GPHN: variants seen among roughly 807,000 people sequenced by gnomAD.
GPHN encodes the protein gephyrin.
In GPHN, 17 loss-of-function variants were observed where a neutral mutation model predicts 95.5. That is an observed-to-expected ratio of 0.18 (90% CI 0.12 to 0.27). GPHN has a LOEUF of 0.27. Among genes scored for constraint, GPHN ranks in the 10% least tolerant of loss-of-function variants. The pLI is 1.00. For synonymous variants in GPHN, 320 were observed against 322.5 expected, an observed-to-expected ratio of 0.99 and a Z score of 0.08; for missense variants, 660 against 978.1, an observed-to-expected ratio of 0.67 and a Z score of 4.34.
At chr14:67,124,331 G>A (rs779886742) in intron 17 of GPHN, among the ~76,000 whole-genome samples, 5 of 152,092 alleles carry the variant, frequency 3.3e-5, no homozygotes, top group Admixed American at 1.3e-4. Context: ...ACTTGAACCC[G>A]GGAGGTGGAG....
chr14:66,781,449 C>T (rs1394507704), intron 3 of GPHN, among the ~76,000 whole-genome samples: 1 of 152,072 alleles, frequency 6.6e-6, no homozygotes, highest in Admixed American at 6.5e-5. Context: ...ACCTCCTGAC[C>T]TGAAGTGATC....
chr14:66,754,383 T>TA (rs1460253393), intron 2 of GPHN, among the ~76,000 whole-genome samples: 2 of 152,004 alleles, frequency 1.3e-5, no homozygotes, highest in South Asian at 2.1e-4. Flanking sequence ...TTTATACTAC[T>TA]AGTGACTTTC....
At chr14:67,631,060 C>T in the GPHN span, among the ~76,000 whole-genome samples, 1 of 152,182 alleles carries the variant, frequency 6.6e-6, no homozygotes, top group Non-Finnish European at 1.5e-5. Context: ...TCCCTCCCCT[C>T]ACCTCGTGTC....
the GPHN span, among the ~76,000 whole-genome samples, chr14:67,227,073 C>A: frequency 6.6e-6 from 1 of 152,176 alleles, no homozygotes. Context: ...ATTAGGGTCT[C>A]ATTAACAGAG....
intron 3 of GPHN, among the ~76,000 whole-genome samples, chr14:66,804,217 G>A (rs1238820718): frequency 6.6e-5 from 10 of 152,174 alleles, no homozygotes; most frequent in African/African-American, 2.2e-4. Flanking sequence ...GCTGGGCTAC[G>A]AACATGGTGG....
chr14:66,623,617 CAAAAA>C (rs57810648), intron 1 of GPHN, among the ~76,000 whole-genome samples: 39,982 of 91,450 alleles, frequency 0.44, 8,971 homozygotes, highest in African/African-American at 0.67. Context: ...GACTCTGTTT[CAAAAA>C]AAAAAAAAAA....
the GPHN span, among the ~76,000 whole-genome samples, chr14:67,307,768 A>C: frequency 6.6e-5 from 10 of 152,214 alleles, no homozygotes; most frequent in Non-Finnish European, 1.5e-4. Context: ...CTGCGATAGT[A>C]AGAGATACAG....
intron 8 of GPHN, 22 bp from the exon 9 acceptor site, chr14:66,965,169 C>T (rs1384052299): frequency 6.2e-7 from 1 of 1,604,632 alleles, no homozygotes; most frequent in Non-Finnish European, 8.5e-7. Context: ...AATATTAAAC[C>T]ATAGTTGTTC....
intron 1 of GPHN, among the ~76,000 whole-genome samples, chr14:66,603,229 A>G (rs1042616410): frequency 2.0e-5 from 3 of 151,960 alleles, no homozygotes; most frequent in Non-Finnish European, 4.4e-5. Context: ...TGGGAAATAC[A>G]GAAACACACA....
chr14:66,817,231 G>A (rs1353683757), intron 3 of GPHN, among the ~76,000 whole-genome samples: 2 of 151,748 alleles, frequency 1.3e-5, no homozygotes, highest in African/African-American at 4.8e-5. Context: ...TTGTGTATGT[G>A]TATACATATA....
intron 12 of GPHN, among the ~76,000 whole-genome samples, chr14:67,095,255 G>A (rs1205122550): frequency 6.6e-6 from 1 of 152,036 alleles, no homozygotes; most frequent in Non-Finnish European, 1.5e-5. Context: ...ATAGTGCTCT[G>A]CTCCTCAAAA....
chr14:67,040,021 AATAAGT>A (rs2074619263), intron 10 of GPHN, among the ~76,000 whole-genome samples: 1 of 152,276 alleles, frequency 6.6e-6, no homozygotes, highest in Admixed American at 6.5e-5. Context: ...CATGTATATA[AATAAGT>A]ATAATTACTG....
At chr14:67,239,813 G>T in the GPHN span, among the ~76,000 whole-genome samples, 1 of 152,154 alleles carries the variant, frequency 6.6e-6, no homozygotes, top group Non-Finnish European at 1.5e-5. Flanking sequence ...CCGAGATTGC[G>T]CCACTTTACT....
At chr14:67,271,031 A>G in the GPHN span, 1 of 152,218 alleles carries the variant, frequency 6.6e-6, no homozygotes, top group African/African-American at 2.4e-5. Flanking sequence ...ATATAGCTAG[A>G]AATCTTGGAT....
the GPHN span, chr14:67,559,635 A>T: frequency 3.7e-6 from 6 of 1,603,952 alleles, no homozygotes; most frequent in Non-Finnish European, 5.1e-6. Context: ...GGAAGCAAAA[A>T]CTGTTCAAGA....
At chr14:67,070,803 AC>A (rs2076271571) in intron 11 of GPHN, among the ~76,000 whole-genome samples, 1 of 148,086 alleles carries the variant, frequency 6.8e-6, no homozygotes, top group African/African-American at 2.6e-5. Flanking sequence ...GTGTGCTTTT[AC>A]CACCGTACTT....
chr14:67,332,925 C>T, the GPHN span: 1 of 1,613,064 alleles, frequency 6.2e-7, no homozygotes, highest in South Asian at 1.1e-5. Context: ...GATACTGAAC[C>T]TCAGTGGGTA....
At chr14:67,161,642 T>A (rs2081988199) in intron 19 of GPHN, among the ~76,000 whole-genome samples, 1 of 151,986 alleles carries the variant, frequency 6.6e-6, no homozygotes, top group South Asian at 2.1e-4. Context: ...ATGCCTGTAG[T>A]CCCAGCTACT....
chr14:66,923,881 G>T (rs1169581365), intron 7 of GPHN, among the ~76,000 whole-genome samples: 1 of 151,676 alleles, frequency 6.6e-6, no homozygotes, highest in Non-Finnish European at 1.5e-5. Flanking sequence ...GCTTACTAAA[G>T]GCTAGTAAGT....
Sources: gnomAD v4.1 joint callset for allele counts (sites outside exome capture counted in the v4.1 genomes callset) on GRCh38, gnomAD v4.1.1 for gene constraint, MANE v1.5 for transcripts, NCBI Gene and HGNC (gene_info 2026-07-23, HGNC 2026-07-21) for gene names.